Variants in SETX observed in about 807,000 individuals in gnomAD.
The protein encoded by SETX is senataxin.
Under a neutral mutation model 227.2 loss-of-function variants are expected in SETX, and 90 were observed. The observed-to-expected ratio is 0.40, with a 90% CI of 0.33 to 0.47. SETX has a LOEUF of 0.47. SETX is among the 20% of genes least tolerant of loss of function. The pLI is 0.91. For missense variants in SETX, 3,052 were observed against 3,181.5 expected (o/e 0.96, Z 0.98); for synonymous variants, 1,210 against 1,113.2 (o/e 1.09, Z -1.73).
rs186670116 is a variant in SETX at position 132,325,745 on chromosome 9, C to A, written c.5274+579G>T. Among the ~76,000 whole-genome samples, 5 of 151,970 alleles carry A rather than the reference C, an allele frequency of 3.3e-5. No homozygotes were observed. The East Asian group carries it at 9.9e-4, about 30-fold the overall frequency. ...ATCAGAAGTTCAAGACCAGCCTGAC[C>A]AACATGGTGAAACCCCTTCTCTACT... On this transcript the variant is annotated intron_variant, in intron 10 of 25. Coordinates refer to ENST00000224140, the MANE Select transcript of SETX (RefSeq NM_015046.7).
At chr9:132,306,280 T>C (rs367901436) in intron 11 of SETX, among the ~76,000 whole-genome samples, 16 of 152,336 alleles carry the variant, frequency 1.1e-4, no homozygotes, top group East Asian at 9.6e-4. Context: ...TGGCGCAATC[T>C]CGGTTCACTG....
Position 132,329,353 on chromosome 9 carries a change from C to T in SETX, c.2245G>A (p.Asp749Asn), listed in dbSNP as rs922821119. Residue 749 changes from aspartate (D) to asparagine (N), a missense_variant, in exon 10 of 26, where the codon GAT (aspartate) becomes AAT (asparagine). Transcript: ENST00000224140. Reference protein sequence around the residue: ...GIIVSTRLLTDSSTDALEKVS... With the variant: ...GIIVSTRLLTNSSTDALEKVS... ...TTTTCCAAAGCATCAGTGCTAGAAT[C>T]AGTCAACAAACGTGTTGATACTATT... 1.2e-5 allele frequency: 20 copies of T among 1,613,894 alleles called. No individual in the cohort carries two copies. The highest frequency in any genetic ancestry group is 1.6e-5 in the Non-Finnish European group (19 of 1,179,950).
rs112673349 is a variant in SETX at position 132,286,224 on chromosome 9, C to T, written c.6396+199G>A. 8.0e-3 allele frequency among the ~76,000 whole-genome samples: 1,197 copies of T among 149,900 alleles called. 20 individuals are homozygous for T. The highest frequency in any genetic ancestry group is 0.027 in the African/African-American group (1,114 of 40,648). ...AAAATTAGCCAGGCATGGTGGTGCA[C>T]GCCTGTAATCCCAGCCACATGGGAG... On this transcript the variant is annotated intron_variant, in intron 18 of 25. Coordinates refer to ENST00000224140, the MANE Select transcript of SETX (RefSeq NM_015046.7).
intron 16 of SETX, 89 bp from the exon 17 acceptor site, chr9:132,288,440 T>C: frequency 1.4e-6 from 2 of 1,404,684 alleles, no homozygotes; most frequent in East Asian, 4.8e-5. Flanking sequence ...GGAAAATTAG[T>C]TCCCAAAGCC....
chr9:132,356,626 CT>C (rs1848926982), upstream of SETX, among the ~76,000 whole-genome samples: 1 of 152,136 alleles, frequency 6.6e-6, no homozygotes, highest in South Asian at 2.1e-4. Flanking sequence ...AAAAAAGAGG[CT>C]GAGATGGGCC....
Position 132,278,064 on chromosome 9 carries a change from A to G in SETX, c.6842+6T>C, listed in dbSNP as rs759759627. 4.3e-6 allele frequency: 7 copies of G among 1,610,696 alleles called. No homozygotes were observed. The South Asian group carries it at 6.6e-5, about 15-fold the overall frequency. ...AATAAGGTCACAAACAATAAGGGGAACTCACCTATTTGTTTTTAAGTTTCT... is the reference window on the plus strand; with the variant it reads ...AATAAGGTCACAAACAATAAGGGGAGCTCACCTATTTGTTTTTAAGTTTCT... On this transcript the variant is annotated splice_donor_region_variant and intron_variant, in intron 21 of 25. Coordinates refer to ENST00000224140, the MANE Select transcript of SETX (RefSeq NM_015046.7).
In SETX at chr9:132,280,607, C is replaced by G. The variant is rs76945449; in HGVS notation, c.6654+860G>C. On this transcript the variant is annotated intron_variant, in intron 20 of 25. Transcript: ENST00000224140. ...TGAATAATTCCGAAATCAAAAACCA[C>G]TAACGATAACCACCTGCATTCATTC... Among the ~76,000 whole-genome samples, 11 of 152,326 alleles carry G rather than the reference C, an allele frequency of 7.2e-5. No individual in the cohort carries two copies. In the East Asian group the frequency reaches 2.1e-3, roughly 29 times the overall value.
chr9:132,286,038 C>G (rs570053498), intron 18 of SETX, among the ~76,000 whole-genome samples: 4 of 145,324 alleles, frequency 2.8e-5, no homozygotes, highest in Non-Finnish European at 6.0e-5. Context: ...CAAAAATTAG[C>G]TGGGCGTGGT....
chr9:132,347,821 T>TTA (rs1320451600), intron 3 of SETX, among the ~76,000 whole-genome samples: 2 of 152,056 alleles, frequency 1.3e-5, no homozygotes, highest in African/African-American at 4.8e-5. Context: ...TTAGAAAACT[T>TTA]TATAAAGTGC....
chr9:132,342,461 C>A (rs1019406837), intron 5 of SETX, among the ~76,000 whole-genome samples: 15 of 152,142 alleles, frequency 9.9e-5, no homozygotes, highest in Admixed American at 1.3e-4. Flanking sequence ...TCAAGTTATT[C>A]CCGTTTGTCT....
intron 23 of SETX, among the ~76,000 whole-genome samples, chr9:132,273,979 T>TC (rs1244622048): frequency 1.3e-5 from 2 of 151,956 alleles, no homozygotes; most frequent in African/African-American, 4.8e-5. Flanking sequence ...TCTTTTTTTT[T>TC]TTTTAAATCA....
intron 11 of SETX, among the ~76,000 whole-genome samples, chr9:132,301,013 C>A (rs1844961362): frequency 6.6e-6 from 1 of 150,980 alleles, no homozygotes; most frequent in African/African-American, 2.4e-5. Flanking sequence ...TTCAAAACTG[C>A]TATAAGGCCA....
At chr9:132,293,737 A>G (rs528645912) in intron 15 of SETX, among the ~76,000 whole-genome samples, 1 of 152,078 alleles carries the variant, frequency 6.6e-6, no homozygotes, top group South Asian at 2.1e-4. Flanking sequence ...TAAAAAAAAA[A>G]TAAGGCTGGA....
At chr9:132,323,397 T>A (rs535089984) in intron 10 of SETX, among the ~76,000 whole-genome samples, 108 of 152,296 alleles carry the variant, frequency 7.1e-4, no homozygotes, top group Middle Eastern at 3.4e-3. Context: ...AATTACAGCA[T>A]ACTACATGGC....
chr9:132,318,218 C>T (rs1846108858), intron 10 of SETX, among the ~76,000 whole-genome samples: 1 of 152,124 alleles, frequency 6.6e-6, no homozygotes, highest in African/African-American at 2.4e-5. Context: ...GTTTGTTGTT[C>T]TTTATGGTTT....
At chr9:132,307,880 T>C (rs1740238539) in intron 11 of SETX, among the ~76,000 whole-genome samples, 1 of 152,158 alleles carries the variant, frequency 6.6e-6, no homozygotes, top group South Asian at 2.1e-4. Context: ...GGTTTTGCCA[T>C]GTTGGCCAGG....
rs61739429 is a variant in SETX, at chr9:132,326,278, T to A, written c.5274+46A>T. ...ATTTTCACTCAGCAAGGTAAAGAGG[T>A]AACTTGAAAAGTTTGGAGAGGCATA... On this transcript the variant is annotated intron_variant, in intron 10 of 25. Coordinates refer to ENST00000224140, the MANE Select transcript of SETX (RefSeq NM_015046.7). The A allele has an allele frequency of 3.1e-3, 4,330 of 1,405,866 alleles. 111 individuals carry two copies. In the African/African-American group the frequency reaches 0.054, roughly 18 times the overall value. 87.1% of individuals were successfully genotyped at this position (1,405,866 alleles called of 1,614,324 possible). A position where few individuals can be genotyped will look rare whatever the true frequency, so the allele number is the denominator to read the frequency against.
chr9:132,325,240 C>T (rs1846649051), intron 10 of SETX, among the ~76,000 whole-genome samples: 1 of 152,146 alleles, frequency 6.6e-6, no homozygotes, highest in African/African-American at 2.4e-5. Context: ...CCTATAGTCT[C>T]AGCTACTCGG....
intron 10 of SETX, among the ~76,000 whole-genome samples, chr9:132,312,242 C>T (rs1258647944): frequency 6.6e-6 from 1 of 152,152 alleles, no homozygotes; most frequent in Non-Finnish European, 1.5e-5. Flanking sequence ...AGCTAGCTCA[C>T]AAGTCCAAAA....
Sources: allele counts gnomAD v4.1 joint callset (sites outside exome capture counted in the v4.1 genomes callset), GRCh38; gene constraint gnomAD v4.1.1; transcripts MANE v1.5; gene names NCBI Gene and HGNC (gene_info 2026-07-23, HGNC 2026-07-21).